ZDHHC14: variants seen among roughly 807,000 people sequenced by gnomAD.
ZDHHC14 encodes the protein zDHHC palmitoyltransferase 14.
In ZDHHC14, 16 loss-of-function variants were observed where a neutral mutation model predicts 47.7. The ratio of observed to expected loss-of-function variants is 0.34; its 90% confidence interval spans 0.23 to 0.51. The LOEUF (loss-of-function observed/expected upper bound fraction) is 0.51, where lower values mean the gene tolerates loss of function less well. Among genes scored for constraint, ZDHHC14 ranks in the 20% least tolerant of loss-of-function variants. The pLI is 0.97. For missense variants in ZDHHC14, 515 were observed against 662.5 expected, an observed-to-expected ratio of 0.78 and a Z score of 2.44; for synonymous variants, 293 against 278.9, an observed-to-expected ratio of 1.05 and a Z score of -0.50.
At position 157,524,725 on chromosome 6, in the gene ZDHHC14, C is replaced by T. The variant is rs1582886619; in HGVS notation, c.246-17860C>T. On this transcript the variant is annotated intron_variant, in intron 1 of 8. Transcript: ENST00000359775. ...AGGTTTTCTTACATCTAGAAGAATA[C>T]CTGTGTACCACTTGGCCAATCAGAG... Among the ~76,000 whole-genome samples the T allele has an allele frequency of 2.0e-5, 3 of 152,310 alleles. No individual in the cohort carries two copies. In the South Asian group the frequency reaches 6.2e-4, roughly 32 times the overall value.
At chr6:157,499,095 C>A (rs1365673352) in intron 1 of ZDHHC14, among the ~76,000 whole-genome samples, 1 of 152,040 alleles carries the variant, frequency 6.6e-6, no homozygotes, top group Non-Finnish European at 1.5e-5. Context: ...CAGTTTTAAT[C>A]CCATTTGCCC....
intron 1 of ZDHHC14, among the ~76,000 whole-genome samples, chr6:157,450,854 C>T (rs1374485228): frequency 6.6e-6 from 1 of 152,210 alleles, no homozygotes; most frequent in Non-Finnish European, 1.5e-5. Flanking sequence ...CCTCAAGGCA[C>T]AAATCCGTAG....
intron 3 of ZDHHC14, among the ~76,000 whole-genome samples, chr6:157,621,277 C>G (rs1785176333): frequency 6.6e-6 from 1 of 152,112 alleles, no homozygotes; most frequent in Non-Finnish European, 1.5e-5. Flanking sequence ...TGGATCTCAA[C>G]TTTCGTCTTT....
chr6:157,542,278 C>T (rs1255174836), intron 1 of ZDHHC14, among the ~76,000 whole-genome samples: 1 of 152,184 alleles, frequency 6.6e-6, no homozygotes, highest in Non-Finnish European at 1.5e-5. Flanking sequence ...TCTATTTATA[C>T]AAGCTCTGTG....
At chr6:157,406,145 A>T (rs992229559) in intron 1 of ZDHHC14, among the ~76,000 whole-genome samples, 2 of 152,224 alleles carry the variant, frequency 1.3e-5, no homozygotes, top group Non-Finnish European at 2.9e-5. Flanking sequence ...GGATTAGCTC[A>T]TCACTTTCCC....
At chr6:157,596,268 A>G (rs1004142527) in intron 3 of ZDHHC14, among the ~76,000 whole-genome samples, 8 of 152,094 alleles carry the variant, frequency 5.3e-5, no homozygotes, top group African/African-American at 1.9e-4. Flanking sequence ...CCATGATCTT[A>G]TTTTTAGATG....
At chr6:157,579,660 G>A (rs1783445750) in intron 2 of ZDHHC14, among the ~76,000 whole-genome samples, 1 of 152,166 alleles carries the variant, frequency 6.6e-6, no homozygotes, top group African/African-American at 2.4e-5. Context: ...CTGTGAATGG[G>A]ATTGTGTTCC....
intron 1 of ZDHHC14, among the ~76,000 whole-genome samples, chr6:157,495,190 G>T (rs1405408444): frequency 1.3e-5 from 2 of 152,078 alleles, no homozygotes; most frequent in Non-Finnish European, 2.9e-5. Flanking sequence ...AAGCACTGAT[G>T]AGATGCAAAC....
At chr6:157,422,872 C>T (rs1470691188) in intron 1 of ZDHHC14, among the ~76,000 whole-genome samples, 4 of 152,090 alleles carry the variant, frequency 2.6e-5, no homozygotes, top group Admixed American at 6.6e-5. Context: ...CAATCTGTCC[C>T]GATGGCCTTT....
chr6:157,491,158 G>A (rs540843790), intron 1 of ZDHHC14, among the ~76,000 whole-genome samples: 3 of 152,306 alleles, frequency 2.0e-5, no homozygotes, highest in South Asian at 2.1e-4. Flanking sequence ...TTGTCCCCTC[G>A]TTCTGTGGGT....
intron 2 of ZDHHC14, 68 bp from the exon 3 acceptor site, chr6:157,592,920 C>T (rs1783972383): frequency 6.6e-7 from 1 of 1,523,960 alleles, no homozygotes; most frequent in Non-Finnish European, 8.8e-7. Flanking sequence ...ACACTCCAGG[C>T]GGACGGGTCC....
At chr6:157,553,757 G>A (rs1281767672) in intron 2 of ZDHHC14, among the ~76,000 whole-genome samples, 1 of 152,088 alleles carries the variant, frequency 6.6e-6, no homozygotes, top group Admixed American at 6.6e-5. Context: ...TTGTGTTTCT[G>A]GTAGATAAGT....
intron 1 of ZDHHC14, among the ~76,000 whole-genome samples, chr6:157,519,806 G>A (rs1056106631): frequency 2.0e-5 from 3 of 152,176 alleles, no homozygotes; most frequent in South Asian, 2.1e-4. Flanking sequence ...ACAGGAGCCC[G>A]TGGCTTTGCT....
intron 4 of ZDHHC14, chr6:157,632,613 A>C (rs1202711523): frequency 5.1e-6 from 3 of 582,864 alleles, no homozygotes; most frequent in Non-Finnish European, 9.2e-6. Flanking sequence ...TATTGAAAAA[A>C]TACCCTGCAG....
intron 1 of ZDHHC14, among the ~76,000 whole-genome samples, chr6:157,440,788 A>T (rs1029483292): frequency 3.9e-5 from 6 of 152,352 alleles, no homozygotes; most frequent in African/African-American, 1.2e-4. Flanking sequence ...ACAGGTGCTA[A>T]GTGAAAGAAG....
intron 1 of ZDHHC14, among the ~76,000 whole-genome samples, chr6:157,444,899 C>A (rs762514339): frequency 1.3e-5 from 2 of 151,982 alleles, no homozygotes; most frequent in Non-Finnish European, 2.9e-5. Context: ...AAAGGTCAGG[C>A]AGGAGCATCA....
chr6:157,469,076 T>C (rs1036462844), intron 1 of ZDHHC14, among the ~76,000 whole-genome samples: 2 of 152,188 alleles, frequency 1.3e-5, no homozygotes, highest in Non-Finnish European at 2.9e-5. Context: ...AATTGTTGGC[T>C]AGGTGAATCT....
At chr6:157,646,742 A>G (rs1432501615) in intron 6 of ZDHHC14, among the ~76,000 whole-genome samples, 2 of 152,220 alleles carry the variant, frequency 1.3e-5, no homozygotes, top group Non-Finnish European at 2.9e-5. Flanking sequence ...GTCTCAGGAT[A>G]GGTCCAGTTA....
chr6:157,632,005 G>A (rs1785764401), intron 4 of ZDHHC14: 3 of 152,284 alleles, frequency 2.0e-5, no homozygotes, highest in Non-Finnish European at 4.4e-5. Context: ...CCTCCCAGGT[G>A]TCGCCCATAG....
Sources: gnomAD v4.1 joint callset for allele counts (sites outside exome capture counted in the v4.1 genomes callset) on GRCh38, gnomAD v4.1.1 for gene constraint, MANE v1.5 for transcripts, NCBI Gene and HGNC (gene_info 2026-07-23, HGNC 2026-07-21) for gene names.